Variants in ARL14EPL observed in about 807,000 individuals in gnomAD.
ARL14EPL encodes ARF like GTPase 14 effector protein like.
Under a neutral mutation model 15.9 loss-of-function variants are expected in ARL14EPL, and 17 were observed. The observed-to-expected ratio is 1.07, with a 90% CI of 0.73 to 1.60. The LOEUF is 1.60. Among genes scored for constraint, ARL14EPL ranks in the 40% most tolerant of loss-of-function variants. ARL14EPL has a pLI of 0.00. For synonymous variants in ARL14EPL, 78 were observed against 63.8 expected, an observed-to-expected ratio of 1.22 and a Z score of -1.06; for missense variants, 214 against 185.9, an observed-to-expected ratio of 1.15 and a Z score of -0.88.
chr5:116,045,521 A>G (rs1475054253), intron 1 of ARL14EPL, among the ~76,000 whole-genome samples: 3 of 152,174 alleles, frequency 2.0e-5, no homozygotes, highest in Admixed American at 2.0e-4. Flanking sequence ...AATAAGGTGT[A>G]GTAGAGAGGC....
At position 116,041,334 on chromosome 5, in the gene ARL14EPL, T is replaced by C. The variant is rs371870266; in HGVS notation, c.-10+8829T>C. Among the ~76,000 whole-genome samples the C allele has an allele frequency of 7.2e-4, 110 of 152,358 alleles. 4 individuals are homozygous for C. The South Asian group carries it at 0.022, about 31-fold the overall frequency. ...TTATTTTTCAATATGTAAAAATATA[T>C]GTATTTATTTACTGGCATATAAGGC... On this transcript the variant is annotated intron_variant, in intron 1 of 3. Transcript: ENST00000686077.
chr5:116,035,151 T>C (rs1309471541), intron 1 of ARL14EPL, among the ~76,000 whole-genome samples: 1 of 152,164 alleles, frequency 6.6e-6, no homozygotes, highest in African/African-American at 2.4e-5. Flanking sequence ...AGAGACTCTT[T>C]TACAGCTGCC....
chr5:116,048,899 G>A (rs1186805813), intron 1 of ARL14EPL, among the ~76,000 whole-genome samples: 1 of 152,162 alleles, frequency 6.6e-6, no homozygotes, highest in Non-Finnish European at 1.5e-5. Context: ...GGGCTGGAAT[G>A]TATTAAATGA....
chr5:116,038,980 C>T lies in ARL14EPL; in HGVS notation c.-10+6475C>T, dbSNP rs1170362220. Among the ~76,000 whole-genome samples, 5 of 152,096 alleles carry T rather than the reference C, an allele frequency of 3.3e-5. No individual in the cohort carries two copies. In the South Asian group the frequency reaches 6.2e-4, roughly 19 times the overall value. On this transcript the variant is annotated intron_variant, in intron 1 of 3. Transcript: ENST00000686077. ...GGGAGTCCCTGGGGCCCAGGGGTGG[C>T]GGAGGAAATGAAGCAGAATGAGGAA...
chr5:116,035,038 T>G (rs1214917666), intron 1 of ARL14EPL, among the ~76,000 whole-genome samples: 1 of 152,172 alleles, frequency 6.6e-6, no homozygotes, highest in Non-Finnish European at 1.5e-5. Context: ...AGGATCTCTC[T>G]CCTTCCCAAT....
At chr5:116,041,704 C>G (rs1749161615) in intron 1 of ARL14EPL, among the ~76,000 whole-genome samples, 1 of 152,200 alleles carries the variant, frequency 6.6e-6, no homozygotes, top group Non-Finnish European at 1.5e-5. Context: ...CTTCTCCTAC[C>G]TTCAACTCTT....
chr5:116,050,940 A>C (rs1749363903), intron 1 of ARL14EPL, among the ~76,000 whole-genome samples: 1 of 152,110 alleles, frequency 6.6e-6, no homozygotes, highest in African/African-American at 2.4e-5. Flanking sequence ...GTTTTATGAA[A>C]ACCTGATTAC....
At chr5:116,053,592 T>C (rs557649613) in intron 2 of ARL14EPL, among the ~76,000 whole-genome samples, 4 of 152,182 alleles carry the variant, frequency 2.6e-5, no homozygotes, top group Non-Finnish European at 4.4e-5. Context: ...CGGATCTACT[T>C]TGGGTTCTCA....
intron 2 of ARL14EPL, among the ~76,000 whole-genome samples, chr5:116,053,202 A>G (rs1749431517): frequency 6.6e-6 from 1 of 152,048 alleles, no homozygotes; most frequent in African/African-American, 2.4e-5. Context: ...GTACACAAAA[A>G]TTAGCCAAGC....
intron 3 of ARL14EPL, among the ~76,000 whole-genome samples, chr5:116,056,705 G>C (rs1749526412): frequency 6.6e-6 from 1 of 152,156 alleles, no homozygotes; most frequent in South Asian, 2.1e-4. Flanking sequence ...TGATGTTTTA[G>C]ACATGAAGTT....
chr5:116,050,535 T>G (rs922169394), intron 1 of ARL14EPL, among the ~76,000 whole-genome samples: 1 of 152,186 alleles, frequency 6.6e-6, no homozygotes, highest in Non-Finnish European at 1.5e-5. Context: ...TTCCCACTGA[T>G]AGAATTGGAA....
intron 1 of ARL14EPL, among the ~76,000 whole-genome samples, chr5:116,050,550 C>T (rs1304958337): frequency 1.3e-5 from 2 of 152,110 alleles, no homozygotes; most frequent in African/African-American, 4.8e-5. Context: ...TTGGAATTTC[C>T]AATTGGTCAG....
At chr5:116,038,255 A>T (rs558449484) in intron 1 of ARL14EPL, among the ~76,000 whole-genome samples, 2 of 152,344 alleles carry the variant, frequency 1.3e-5, no homozygotes, top group South Asian at 4.1e-4. Flanking sequence ...GAAGAGTCAT[A>T]TAGATCCTGC....
At chr5:116,045,837 A>T (rs191544715) in intron 1 of ARL14EPL, among the ~76,000 whole-genome samples, 1 of 152,216 alleles carries the variant, frequency 6.6e-6, no homozygotes, top group African/African-American at 2.4e-5. Flanking sequence ...GATACTGTAG[A>T]TAAAGTTGCT....
At chr5:116,056,470 C>G (rs1284923450) in intron 3 of ARL14EPL, among the ~76,000 whole-genome samples, 1 of 152,160 alleles carries the variant, frequency 6.6e-6, no homozygotes, top group African/African-American at 2.4e-5. Flanking sequence ...TCTTCATATC[C>G]TTCGCCCACT....
intron 1 of ARL14EPL, among the ~76,000 whole-genome samples, chr5:116,041,927 C>G (rs1312241445): frequency 6.6e-6 from 1 of 152,148 alleles, no homozygotes; most frequent in East Asian, 1.9e-4. Context: ...TTCCCAGGCT[C>G]AAGCAATCCT....
chr5:116,051,270 G>T (rs1263421458), intron 1 of ARL14EPL, 187 bp from the exon 2 acceptor site: 4 of 506,798 alleles, frequency 7.9e-6, no homozygotes, highest in African/African-American at 7.9e-5. Context: ...GAGAGCCTCA[G>T]TAGGGTGGTC....
chr5:116,058,934 A>T lies in ARL14EPL; in HGVS notation c.446A>T (p.Asn149Ile). Residue 149 changes from asparagine (N) to isoleucine (I), a missense_variant, in exon 4 of 4, where the codon AAT becomes ATT. Transcript: ENST00000686077. ...SGEVISTLPFNVPD is the reference protein window; with the variant it reads ...SGEVISTLPFIVPD ...GAGGTCATCAGCACGCTGCCGTTTAATGTTCCTGACTAGGTGCTCTTGTAT... is the reference window on the plus strand; with the variant it reads ...GAGGTCATCAGCACGCTGCCGTTTATTGTTCCTGACTAGGTGCTCTTGTAT... The T allele has an allele frequency of 6.5e-7, 1 of 1,536,012 alleles. No homozygotes were observed. Among genetic ancestry groups the T allele is most frequent in the South Asian group, 1.2e-5 (1 of 84,050 alleles).
chr5:116,055,652 A>AT (rs549570727), intron 3 of ARL14EPL, among the ~76,000 whole-genome samples: 71 of 151,106 alleles, frequency 4.7e-4, no homozygotes, highest in African/African-American at 1.5e-3. Context: ...TATATATATA[A>AT]TTTTTTTTAT....
Sources: allele counts gnomAD v4.1 joint callset (sites outside exome capture counted in the v4.1 genomes callset), GRCh38; gene constraint gnomAD v4.1.1; transcripts MANE v1.5; gene names NCBI Gene and HGNC (gene_info 2026-07-23, HGNC 2026-07-21).